Variants in HDAC6 observed in about 807,000 individuals in gnomAD.
HDAC6 encodes the protein protein deacetylase HDAC6.
HDAC6 carries 5 observed loss-of-function variants against 88.9 expected under a neutral mutation model. The ratio of observed to expected loss-of-function variants is 0.06; its 90% CI spans 0.03 to 0.12. The LOEUF is 0.12. Ranked by LOEUF, HDAC6 falls within the 10% of genes least tolerant of loss-of-function variation. HDAC6 has a pLI of 1.00. For missense variants in HDAC6, 706 were observed against 1,014.4 expected (o/e 0.70, Z 4.13); for synonymous variants, 378 against 398.0 (o/e 0.95, Z 0.60).
At chrX:48,819,618 A>T (rs1434371891) in intron 22 of HDAC6, 7 of 198,820 alleles carry the variant, frequency 3.5e-5, no homozygotes, top group African/African-American at 2.0e-4. Flanking sequence ...ATCTCGGCTC[A>T]CTGCCAGCTC....
rs782748566 is a variant in HDAC6, at chrX:48,824,619, G to C, written c.*7G>C. 6 of 1,209,326 alleles carry C rather than the reference G, an allele frequency of 5.0e-6. No homozygotes were observed. The highest frequency in any genetic ancestry group is 3.4e-6 in the Non-Finnish European group (3 of 894,094). On this transcript the variant is annotated 3_prime_UTR_variant, in exon 29 of 29. Coordinates refer to ENST00000334136, the MANE Select transcript of HDAC6 (RefSeq NM_006044.4). ...TATGCCCCACCCACACTAAGCCCCA[G>C]AATACGGTCCCTCTTCACCTTCTGA... is the stretch of plus-strand genomic sequence containing the variant.
chrX:48,824,547 C>G lies in HDAC6; in HGVS notation c.3583C>G (p.Leu1195Val). The change falls in exon 29 of 29, where the codon CTC becomes GTC. Residue 1195 changes from leucine to valine, a missense_variant. Coordinates refer to ENST00000334136, the MANE Select transcript of HDAC6 (RefSeq NM_006044.4). Reference protein sequence around the residue: ...YCQAYVHHQALLDVKNIAHQN... With the variant: ...YCQAYVHHQAVLDVKNIAHQN... The stretch of plus-strand genomic sequence containing the variant: ...CCTATTCTTGCCTCCTCCTCAGGCT[C>G]TCCTAGATGTGAAGAACATCGCCCA... The G allele has an allele frequency of 8.3e-7, 1 of 1,209,270 alleles. No individual in the cohort carries two copies. Among genetic ancestry groups the G allele is most frequent in the Non-Finnish European group, 1.1e-6 (1 of 893,847 alleles).
At chrX:48,816,381 T>G (rs2062985674) in intron 18 of HDAC6, 84 bp from the exon 19 acceptor site, 7 of 1,122,801 alleles carry the variant, frequency 6.2e-6, no homozygotes, top group Non-Finnish European at 8.3e-6. Flanking sequence ...TGAGAGGGGC[T>G]GAAGTCCCTG....
chrX:48,811,235 C>T (rs1041770205), intron 10 of HDAC6, among the ~76,000 whole-genome samples: 5 of 111,876 alleles, frequency 4.5e-5, no homozygotes, highest in Non-Finnish European at 9.4e-5. Flanking sequence ...ACCCAGGAGG[C>T]GGAGGTTGCA....
chrX:48,817,239 G>C, intron 19 of HDAC6, 87 bp from the exon 20 acceptor site: 1 of 1,004,985 alleles, frequency 1.0e-6, no homozygotes, highest in Non-Finnish European at 1.3e-6. Context: ...GCGACAGAGC[G>C]AGACTCCGTC....
At chrX:48,807,822 T>C (rs2062841792) in intron 8 of HDAC6, among the ~76,000 whole-genome samples, 1 of 112,187 alleles carries the variant, frequency 8.9e-6, no homozygotes, top group Non-Finnish European at 1.9e-5. Context: ...TTTATCATTT[T>C]AGTGAACATT....
chrX:48,824,488 C>A, intron 28 of HDAC6, 56 bp from the exon 29 acceptor site: 2 of 1,118,127 alleles, frequency 1.8e-6, no homozygotes, highest in Non-Finnish European at 1.2e-6. Context: ...GCCCTGCAGC[C>A]GAGGTAGAGG....
Position 48,808,340 on chromosome X carries a change from C to T in HDAC6, c.806+14C>T. On this transcript the variant is annotated intron_variant, in intron 10 of 28. Transcript: ENST00000334136. ...CCAGGACCCCAGGTATACCCCGACT[C>T]CCACCTAGGTGCTAGACTCCCAGCC... The T allele has an allele frequency of 2.6e-6, 3 of 1,170,373 alleles. No homozygotes were observed. Among genetic ancestry groups the T allele is most frequent in the Non-Finnish European group, 3.5e-6 (3 of 862,505 alleles).
chrX:48,804,919 T>TG (rs1162624204), intron 4 of HDAC6, among the ~76,000 whole-genome samples: 2 of 17,911 alleles, frequency 1.1e-4, no homozygotes, highest in Admixed American at 7.8e-4. Context: ...TAGGCGGGGG[T>TG]GGGGGGGCCA....
At chrX:48,820,428 C>T (rs781892024) in intron 23 of HDAC6, among the ~76,000 whole-genome samples, 173 bp downstream of exon 23, 2 of 112,461 alleles carry the variant, frequency 1.8e-5, no homozygotes, top group Non-Finnish European at 3.8e-5. Context: ...ATTGAGTGCT[C>T]ACTATGTGCA....
chrX:48,807,146 CCT>C (rs782676995), intron 8 of HDAC6, among the ~76,000 whole-genome samples: 10 of 112,331 alleles, frequency 8.9e-5, no homozygotes, highest in East Asian at 5.5e-4. Flanking sequence ...TCCTCCCTCC[CCT>C]GTTTTTAACC....
At chrX:48,816,089 G>T (rs782362450) in intron 17 of HDAC6, 37 bp downstream of exon 17, 1 of 1,209,579 alleles carries the variant, frequency 8.3e-7, no homozygotes, top group East Asian at 3.0e-5. Context: ...AGGTGTTGGG[G>T]GTCCCTCCCC....
At chrX:48,818,545 G>A in intron 22 of HDAC6, 133 bp downstream of exon 22, 1 of 514,268 alleles carries the variant, frequency 1.9e-6, no homozygotes, top group Non-Finnish European at 3.1e-6. Context: ...GGTGTTTAAT[G>A]AGGCTACCAG....
At chrX:48,816,765 G>T in intron 19 of HDAC6, 132 bp downstream of exon 19, 1 of 493,164 alleles carries the variant, frequency 2.0e-6, no homozygotes, top group Admixed American at 4.3e-5. Flanking sequence ...GGCACGGGAG[G>T]GGGTGGGCCT....
chrX:48,823,978 C>T lies in HDAC6; in HGVS notation c.3360C>T (p.Cys1120=). 1.7e-6 allele frequency: 2 copies of T among 1,210,909 alleles called. No homozygotes were observed. Among genetic ancestry groups the T allele is most frequent in the East Asian group, 3.0e-5 (1 of 33,841 alleles). ...GGTGTCCCCATTTGGTGGCAGTATG[C>T]CCCATACCTGCAGCAGGCCTAGACG... The part of the protein sequence containing the change: ...LPWCPHLVAV[C]PIPAAGLDVT... The change falls in exon 27 of 29, where the codon TGC becomes TGT. Residue 1120 remains cysteine, a synonymous_variant. Coordinates refer to ENST00000334136, the MANE Select transcript of HDAC6 (RefSeq NM_006044.4).
In HDAC6 at chrX:48,808,317, A is replaced by T; in HGVS notation, c.797A>T (p.Gln266Leu). The change falls in exon 10 of 29, where the codon CAG becomes CTG. Residue 266 changes from glutamine to leucine, a missense_variant. Coordinates refer to ENST00000334136, the MANE Select transcript of HDAC6 (RefSeq NM_006044.4). The stretch of plus-strand genomic sequence containing the variant: ...CAAGGAACACAGTTCACCTTCGACC[A>T]GGACCCCAGGTATACCCCGACTCCC... ...HGQGTQFTFD[Q>L]DPSVLYFSIH... 1 of 1,199,899 alleles carries T rather than the reference A, an allele frequency of 8.3e-7. No individual in the cohort carries two copies. Among genetic ancestry groups the T allele is most frequent in the South Asian group, 1.8e-5 (1 of 55,566 alleles).
At chrX:48,824,454 T>TCCA (rs1451093408) in intron 28 of HDAC6, 90 bp from the exon 29 acceptor site, 7 of 1,060,453 alleles carry the variant, frequency 6.6e-6, no homozygotes, top group Middle Eastern at 2.9e-4. Context: ...GAAGACAGAG[T>TCCA]GGTTGAGGGC....
intron 4 of HDAC6, among the ~76,000 whole-genome samples, chrX:48,803,895 C>T (rs1357142755): frequency 8.9e-6 from 1 of 112,489 alleles, no homozygotes; most frequent in Non-Finnish European, 1.9e-5. Context: ...GGCATGGTGG[C>T]TCACGCCTAT....
At chrX:48,812,431 T>C (rs1317590484) in intron 10 of HDAC6, among the ~76,000 whole-genome samples, 1 of 112,375 alleles carries the variant, frequency 8.9e-6, no homozygotes. Flanking sequence ...CTTTGTTGTA[T>C]TGGTGATTCA....
Sources: allele counts gnomAD v4.1 joint callset (sites outside exome capture counted in the v4.1 genomes callset), GRCh38; gene constraint gnomAD v4.1.1; transcripts MANE v1.5; gene names NCBI Gene and HGNC (gene_info 2026-07-23, HGNC 2026-07-21).